UVRAG: variants seen among roughly 807,000 people sequenced by gnomAD.
The protein encoded by UVRAG is UV radiation resistance-associated gene protein.
Under a neutral mutation model 78.0 loss-of-function variants are expected in UVRAG, and 19 were observed. The observed-to-expected ratio is 0.24, with a 90% confidence interval of 0.17 to 0.36. The LOEUF (loss-of-function observed/expected upper bound fraction) is 0.36. UVRAG is among the 10% of genes least tolerant of loss of function. The pLI, the probability that UVRAG is intolerant of heterozygous loss-of-function variation, is 1.00. For missense variants in UVRAG, 740 were observed against 853.8 expected (o/e 0.87, Z 1.66); for synonymous variants, 323 against 324.6 (o/e 1.00, Z 0.05).
At chr11:75,877,746 C>G (rs1465230031) in intron 3 of UVRAG, among the ~76,000 whole-genome samples, 2 of 141,546 alleles carry the variant, frequency 1.4e-5, no homozygotes, top group Non-Finnish European at 3.1e-5. Context: ...CTGACCCCCC[C>G]ACTTCCCTCC....
rs145504945 is a variant in UVRAG at position 76,007,652 on chromosome 11, C to T, written c.999+31C>T. The T allele has an allele frequency of 7.8e-4, 1,225 of 1,573,960 alleles. 10 individuals carry two copies. The African/African-American group carries it at 0.015, about 19-fold the overall frequency. ...TTTCAAATTTTCTGAAAATATTTTT[C>T]GTTTTGAAAAGATGATTTCTGTATG... is the stretch of plus-strand genomic sequence containing the variant. On this transcript the variant is annotated intron_variant, in intron 10 of 14. Transcript: ENST00000356136.
At chr11:75,880,166 T>C in intron 4 of UVRAG, 126 bp downstream of exon 4, 1 of 1,066,360 alleles carries the variant, frequency 9.4e-7, no homozygotes, top group Non-Finnish European at 1.3e-6. Flanking sequence ...TTTACTTATA[T>C]CACTAAGAGA....
At chr11:76,055,956 A>G (rs1950976373) in intron 12 of UVRAG, among the ~76,000 whole-genome samples, 1 of 152,080 alleles carries the variant, frequency 6.6e-6, no homozygotes, top group Admixed American at 6.6e-5. Flanking sequence ...TGATCTGCCC[A>G]CCTCGGCCTC....
At chr11:75,942,761 A>C (rs1353564271) in intron 6 of UVRAG, among the ~76,000 whole-genome samples, 1 of 152,200 alleles carries the variant, frequency 6.6e-6, no homozygotes, top group South Asian at 2.1e-4. Context: ...GTCTAGTTGA[A>C]TAAGATTTAG....
At chr11:76,079,657 AGT>A (rs1479878586) in intron 13 of UVRAG, among the ~76,000 whole-genome samples, 2 of 152,204 alleles carry the variant, frequency 1.3e-5, no homozygotes, top group Non-Finnish European at 2.9e-5. Flanking sequence ...ACATTTATGT[AGT>A]GCCTTACAGT....
chr11:76,099,174 CCCCAAAAAAGTCTATTAACTA>C (rs1171974970), intron 13 of UVRAG, among the ~76,000 whole-genome samples: 1 of 152,140 alleles, frequency 6.6e-6, no homozygotes. Flanking sequence ...AGTGCAGTTC[CCCCAAAAAAGTCTATTAACTA>C]CCACACACTT....
intron 5 of UVRAG, among the ~76,000 whole-genome samples, chr11:75,904,042 T>A (rs920820526): frequency 2.0e-5 from 3 of 152,184 alleles, no homozygotes; most frequent in Non-Finnish European, 4.4e-5. Flanking sequence ...TTGTATAGCT[T>A]GCGACTAAGA....
At chr11:75,962,236 G>A (rs556081159) in intron 7 of UVRAG, among the ~76,000 whole-genome samples, 62 of 152,138 alleles carry the variant, frequency 4.1e-4, no homozygotes, top group African/African-American at 1.5e-3. Flanking sequence ...TTCAAATTAA[G>A]TTCTAGATAA....
chr11:75,915,060 A>G (rs148015859), intron 6 of UVRAG: 1,891 of 152,160 alleles, frequency 0.012, 20 homozygotes, highest in Non-Finnish European at 0.018. Context: ...CCTGGTCAAC[A>G]TGGTGAAACC....
At position 76,016,997 on chromosome 11, in the gene UVRAG, T is replaced by A. The variant is rs191827013; in HGVS notation, c.1226+17T>A. ...GGAGAGAGAGTAAGTGTCTTTTTTTTAAAAAAATGATTTTAACATCAAGCC... is the reference window on the plus strand; with the variant it reads ...GGAGAGAGAGTAAGTGTCTTTTTTTAAAAAAAATGATTTTAACATCAAGCC... On this transcript the variant is annotated intron_variant, in intron 12 of 14. Coordinates refer to ENST00000356136, the MANE Select transcript of UVRAG (RefSeq NM_003369.4). 1.5e-3 allele frequency: 2,379 copies of A among 1,557,652 alleles called. 23 individuals carry two copies. In the African/African-American group the frequency reaches 0.023, roughly 15 times the overall value.
chr11:75,930,931 C>CTTTCTT (rs758157221), intron 6 of UVRAG: 2 of 118,868 alleles, frequency 1.7e-5, no homozygotes, highest in African/African-American at 7.6e-5. Flanking sequence ...TCGGGATTTT[C>CTTTCTT]TTTCTTTCTT....
At chr11:76,020,999 C>T (rs1383512782) in intron 12 of UVRAG, among the ~76,000 whole-genome samples, 1 of 152,152 alleles carries the variant, frequency 6.6e-6, no homozygotes, top group East Asian at 1.9e-4. Flanking sequence ...TGTGACAGAG[C>T]AGCACTGAGT....
chr11:75,826,307 C>G (rs1945510114), intron 1 of UVRAG, among the ~76,000 whole-genome samples: 1 of 152,002 alleles, frequency 6.6e-6, no homozygotes, highest in Admixed American at 6.6e-5. Flanking sequence ...AGGTGCCCAC[C>G]ACCACACCCA....
rs768838867 is a variant in UVRAG at position 76,007,572 on chromosome 11, G to A, written c.950G>A (p.Arg317His). The A allele has an allele frequency of 3.0e-5, 49 of 1,613,600 alleles. No homozygotes were observed. The highest frequency in any genetic ancestry group is 3.7e-5 in the Non-Finnish European group (44 of 1,179,914). Residue 317 changes from arginine (R) to histidine (H), a missense_variant, in exon 10 of 15, where the codon CGT (arginine) becomes CAT (histidine). Coordinates refer to ENST00000356136, the MANE Select transcript of UVRAG (RefSeq NM_003369.4). The part of the protein sequence containing the change: ...FLKTNAQLTI[R>H]CRQLLSELSY... ...AAGACTAATGCTCAGTTGACAATTC[G>A]TTGCAGGCAGTTACTCTCTGAGCTT...
intron 12 of UVRAG, among the ~76,000 whole-genome samples, chr11:76,029,763 A>G (rs1950398370): frequency 6.6e-6 from 1 of 152,202 alleles, no homozygotes; most frequent in Non-Finnish European, 1.5e-5. Flanking sequence ...GAGAGGAAGG[A>G]TTGACTCCAA....
intron 5 of UVRAG, among the ~76,000 whole-genome samples, chr11:75,899,724 C>T (rs546916955): frequency 1.4e-4 from 21 of 152,190 alleles, no homozygotes; most frequent in Non-Finnish European, 2.5e-4. Context: ...TTGTGGGAAT[C>T]AAATGAGAGA....
At chr11:75,977,714 C>G (rs1184296358) in intron 7 of UVRAG, among the ~76,000 whole-genome samples, 1 of 151,818 alleles carries the variant, frequency 6.6e-6, no homozygotes, top group African/African-American at 2.4e-5. Flanking sequence ...TTGTGTTTTC[C>G]ATTTGCTTGG....
chr11:76,110,391 G>A (rs1223473277), intron 13 of UVRAG, among the ~76,000 whole-genome samples: 1 of 152,118 alleles, frequency 6.6e-6, no homozygotes, highest in African/African-American at 2.4e-5. Context: ...TCTCAGAGAA[G>A]TGACTTATTC....
intron 6 of UVRAG, among the ~76,000 whole-genome samples, chr11:75,958,841 T>TG (rs1470786492): frequency 6.6e-6 from 1 of 152,214 alleles, no homozygotes; most frequent in Middle Eastern, 3.2e-3. Flanking sequence ...AAAGTTGAAA[T>TG]GCCTCCTTCA....
Sources: gnomAD v4.1 joint callset for allele counts (sites outside exome capture counted in the v4.1 genomes callset) on GRCh38, gnomAD v4.1.1 for gene constraint, MANE v1.5 for transcripts, NCBI Gene and HGNC (gene_info 2026-07-23, HGNC 2026-07-21) for gene names.